Variants in MROH7 observed in about 807,000 individuals in gnomAD.
MROH7 encodes maestro heat-like repeat-containing protein family member 7.
A neutral mutation model predicts 129.2 loss-of-function variants in MROH7; 113 were observed. The observed-to-expected ratio is 0.87, with a 90% CI of 0.75 to 1.02. The LOEUF (loss-of-function observed/expected upper bound fraction) is 1.02. Ranked by LOEUF, MROH7 falls within the 50% of genes least tolerant of loss-of-function variation. The pLI is 0.00. For missense variants in MROH7, 1,601 were observed against 1,671.3 expected (o/e 0.96, Z 0.73); for synonymous variants, 655 against 667.9 (o/e 0.98, Z 0.30).
intron 3 of MROH7, among the ~76,000 whole-genome samples, chr1:54,663,395 T>C (rs1181119461): frequency 3.3e-5 from 5 of 152,062 alleles, no homozygotes; most frequent in African/African-American, 1.2e-4. Context: ...TTTTTTGAGA[T>C]GAAATATTGC....
intron 12 of MROH7, 44 bp downstream of exon 12, chr1:54,679,483 G>T (rs758888705): frequency 2.5e-6 from 4 of 1,584,660 alleles, no homozygotes; most frequent in South Asian, 1.1e-5. Context: ...ACTGGGGCTC[G>T]GGAGCTCCCC....
intron 3 of MROH7, 46 bp downstream of exon 3, chr1:54,654,203 A>T: frequency 6.6e-7 from 1 of 1,504,760 alleles, no homozygotes; most frequent in Non-Finnish European, 8.9e-7. Flanking sequence ...TCCTGGAGGA[A>T]TTCTGTCTTC....
chr1:54,663,934 G>A (rs1351254833), intron 3 of MROH7: 3 of 328,360 alleles, frequency 9.1e-6, no homozygotes, highest in East Asian at 8.8e-5. Context: ...TCTGGTGATC[G>A]AGAATCTGAA....
At chr1:54,687,153 A>C (rs749000453) in intron 15 of MROH7, among the ~76,000 whole-genome samples, 15 of 152,014 alleles carry the variant, frequency 9.9e-5, no homozygotes, top group Non-Finnish European at 1.2e-4. Flanking sequence ...AGCTCACTGC[A>C]ACCTCCGTCT....
intron 15 of MROH7, among the ~76,000 whole-genome samples, chr1:54,688,432 T>C (rs1047360429): frequency 3.7e-4 from 57 of 152,112 alleles, no homozygotes; most frequent in Non-Finnish European, 4.7e-4. Flanking sequence ...CGTATTGTTA[T>C]GATAGGAGTG....
At chr1:54,654,837 A>G (rs1644617368) in intron 3 of MROH7, among the ~76,000 whole-genome samples, 1 of 152,088 alleles carries the variant, frequency 6.6e-6, no homozygotes, top group African/African-American at 2.4e-5. Context: ...TCCTGTCTGG[A>G]ACCTGTGCCT....
intron 1 of MROH7, among the ~76,000 whole-genome samples, chr1:54,642,766 CAT>C (rs1395222675): frequency 6.6e-6 from 1 of 152,158 alleles, no homozygotes; most frequent in African/African-American, 2.4e-5. Flanking sequence ...CAGGTGCACA[CAT>C]CATGCCTGGC....
intron 1 of MROH7, among the ~76,000 whole-genome samples, chr1:54,648,377 T>TTTAG (rs1569849469): frequency 1.4e-5 from 2 of 143,294 alleles, no homozygotes; most frequent in East Asian, 3.9e-4. Flanking sequence ...TATTTATTTA[T>TTTAG]TTTTTGAGAC....
At chr1:54,708,883 GT>G in intron 22 of MROH7, 130 bp from the exon 23 acceptor site, 2 of 777,710 alleles carry the variant, frequency 2.6e-6, no homozygotes, top group Non-Finnish European at 4.3e-6. Flanking sequence ...TCCAAATGAA[GT>G]TTTGTGTTCT....
intron 22 of MROH7, among the ~76,000 whole-genome samples, chr1:54,707,983 G>A (rs1165340096): frequency 2.0e-5 from 3 of 152,222 alleles, no homozygotes; most frequent in Middle Eastern, 3.4e-3. Flanking sequence ...ATACAATGTG[G>A]TATAAACAGA....
intron 3 of MROH7, among the ~76,000 whole-genome samples, chr1:54,660,360 C>T (rs1003023644): frequency 4.6e-5 from 7 of 152,200 alleles, no homozygotes; most frequent in African/African-American, 1.7e-4. Context: ...AAGTCTCTGC[C>T]TCTTAATACT....
At chr1:54,677,490 C>A (rs1448673858) in intron 10 of MROH7, among the ~76,000 whole-genome samples, 1 of 152,194 alleles carries the variant, frequency 6.6e-6, no homozygotes, top group African/African-American at 2.4e-5. Flanking sequence ...CCACTGCCCA[C>A]GGCCACTCTC....
chr1:54,671,764 C>T (rs1436235874), intron 7 of MROH7, among the ~76,000 whole-genome samples: 1 of 152,180 alleles, frequency 6.6e-6, no homozygotes, highest in African/African-American at 2.4e-5. Flanking sequence ...AACTCAGTAC[C>T]TACTCCATGC....
chr1:54,667,277 T>C (rs1644828734), intron 4 of MROH7, among the ~76,000 whole-genome samples: 1 of 152,186 alleles, frequency 6.6e-6, no homozygotes. Context: ...TCTTACAGTT[T>C]AAGTTACCTA....
chr1:54,674,157 C>A lies in MROH7; in HGVS notation c.1936+6C>A. 1 of 1,611,772 alleles carries A rather than the reference C, an allele frequency of 6.2e-7. No homozygotes were observed. Among genetic ancestry groups the A allele is most frequent in the Non-Finnish European group, 8.5e-7 (1 of 1,179,204 alleles). Reference sequence around the variant, plus strand: ...TATTCTGGAGCTCCAAAAACGTAAGCCCTATCGGAGTACTTCTGAAGGAAG... The same window carrying A: ...TATTCTGGAGCTCCAAAAACGTAAGACCTATCGGAGTACTTCTGAAGGAAG... On this transcript the variant is annotated splice_donor_region_variant and intron_variant, in intron 10 of 23. Coordinates refer to ENST00000421030, the MANE Select transcript of MROH7 (RefSeq NM_001039464.4).
intron 3 of MROH7, among the ~76,000 whole-genome samples, chr1:54,656,154 A>C (rs1644641581): frequency 6.6e-6 from 1 of 151,718 alleles, no homozygotes; most frequent in Non-Finnish European, 1.5e-5. Flanking sequence ...TCAGCCGCCC[A>C]AAGTGCTGGG....
Position 54,653,415 on chromosome 1 carries a change from G to A in MROH7, c.489G>A (p.Leu163=). 6.2e-7 allele frequency: 1 copy of A among 1,614,142 alleles called. No individual in the cohort carries two copies. The highest frequency in any genetic ancestry group is 8.5e-7 in the Non-Finnish European group (1 of 1,180,024). The part of the protein sequence containing the change: ...FKCLSSKIFK[L]GQRNSNPSRH... Reference sequence around the variant, plus strand: ...GCCTCTCAAGTAAGATTTTCAAGTTGGGTCAGAGAAACTCCAACCCTTCTA... The same window carrying A: ...GCCTCTCAAGTAAGATTTTCAAGTTAGGTCAGAGAAACTCCAACCCTTCTA... Residue 163 remains leucine (L), a synonymous_variant, in exon 3 of 24, where the codon TTG becomes TTA. Transcript: ENST00000421030.
At chr1:54,699,197 C>T (rs1645390533) in intron 17 of MROH7, 1 of 126,634 alleles carries the variant, frequency 7.9e-6, no homozygotes, top group African/African-American at 2.8e-5. Flanking sequence ...CTCTTTCTTT[C>T]TTTCTTTCTC....
chr1:54,700,614 C>G (rs370038450), intron 18 of MROH7, among the ~76,000 whole-genome samples, 153 bp downstream of exon 18: 1 of 152,308 alleles, frequency 6.6e-6, no homozygotes, highest in East Asian at 1.9e-4. Context: ...AATAGATATC[C>G]TTTAAAAATC....
Sources: gnomAD v4.1 joint callset for allele counts (sites outside exome capture counted in the v4.1 genomes callset) on GRCh38, gnomAD v4.1.1 for gene constraint, MANE v1.5 for transcripts, NCBI Gene and HGNC (gene_info 2026-07-23, HGNC 2026-07-21) for gene names.